NBAS: variants seen among roughly 807,000 people sequenced by gnomAD.
NBAS encodes NAG/BC035112 fusion.
In NBAS, 219 loss-of-function variants were observed where a neutral mutation model predicts 302.5. The observed-to-expected ratio is 0.72, with a 90% CI of 0.65 to 0.81. The LOEUF is 0.81. Among genes scored for constraint, NBAS ranks in the 30% least tolerant of loss-of-function variants. NBAS has a pLI of 0.00. For synonymous variants in NBAS, 1,118 were observed against 1,021.6 expected, an observed-to-expected ratio of 1.09 and a Z score of -1.80; for missense variants, 2,932 against 2,841.6, an observed-to-expected ratio of 1.03 and a Z score of -0.72.
chr2:15,299,204 A>G (rs1670687295), intron 40 of NBAS, among the ~76,000 whole-genome samples: 1 of 152,256 alleles, frequency 6.6e-6, no homozygotes, highest in South Asian at 2.1e-4. Flanking sequence ...AAAAACTAAC[A>G]GCATAAAAAG....
intron 21 of NBAS, among the ~76,000 whole-genome samples, chr2:15,431,940 A>G (rs1223188544): frequency 1.3e-5 from 2 of 152,172 alleles, no homozygotes; most frequent in African/African-American, 4.8e-5. Flanking sequence ...AAAACTGCCC[A>G]AATTTTAGCT....
the NBAS span, among the ~76,000 whole-genome samples, chr2:15,114,662 T>C: frequency 6.6e-6 from 1 of 152,126 alleles, no homozygotes; most frequent in Non-Finnish European, 1.5e-5. Flanking sequence ...GGCTCCTGGA[T>C]ACTCTGGGGG....
the NBAS span, among the ~76,000 whole-genome samples, chr2:15,122,180 G>C: frequency 1.3e-5 from 2 of 151,796 alleles, no homozygotes; most frequent in Non-Finnish European, 2.9e-5. Context: ...AATAACCCGA[G>C]GCTGGATAAT....
the NBAS span, among the ~76,000 whole-genome samples, chr2:15,024,668 G>A: frequency 3.3e-5 from 5 of 152,114 alleles, no homozygotes; most frequent in South Asian, 1.0e-3. Context: ...TTTTTTGACT[G>A]GTGTGAGATG....
the NBAS span, among the ~76,000 whole-genome samples, chr2:14,887,146 G>T: frequency 6.6e-6 from 1 of 152,214 alleles, no homozygotes; most frequent in Non-Finnish European, 1.5e-5. Flanking sequence ...GCTCACGCCT[G>T]TAATCCCAGC....
the NBAS span, among the ~76,000 whole-genome samples, chr2:14,878,015 C>T: frequency 2.0e-5 from 3 of 152,250 alleles, no homozygotes; most frequent in East Asian, 1.9e-4. Context: ...TACCTGCCAG[C>T]GCATTTCCCC....
At chr2:15,314,269 T>C (rs1217408537) in intron 38 of NBAS, among the ~76,000 whole-genome samples, 1 of 152,072 alleles carries the variant, frequency 6.6e-6, no homozygotes, top group African/African-American at 2.4e-5. Flanking sequence ...CGCATGAGAA[T>C]TGCTTGAACC....
At chr2:15,353,024 G>A (rs1016641146) in intron 34 of NBAS, among the ~76,000 whole-genome samples, 1 of 152,082 alleles carries the variant, frequency 6.6e-6, no homozygotes, top group Non-Finnish European at 1.5e-5. Context: ...GTAAGAGAAT[G>A]ACTATGGGAT....
At chr2:14,903,998 T>C in the NBAS span, among the ~76,000 whole-genome samples, 1 of 152,134 alleles carries the variant, frequency 6.6e-6, no homozygotes, top group South Asian at 2.1e-4. Context: ...GGCTACCCCA[T>C]TAGGTTGGGC....
At chr2:15,214,360 T>G (rs140790791) in intron 48 of NBAS, among the ~76,000 whole-genome samples, 1 of 152,306 alleles carries the variant, frequency 6.6e-6, no homozygotes, top group African/African-American at 2.4e-5. Flanking sequence ...TGTGGAGAAT[T>G]AAGACAGCAA....
chr2:14,964,188 G>T, the NBAS span, among the ~76,000 whole-genome samples: 2 of 152,126 alleles, frequency 1.3e-5, no homozygotes, highest in Non-Finnish European at 2.9e-5. Flanking sequence ...CTAATCACAA[G>T]ATAAGGTAAA....
At chr2:15,379,456 T>C in intron 30 of NBAS, 146 bp downstream of exon 30, 1 of 684,368 alleles carries the variant, frequency 1.5e-6, no homozygotes, top group Non-Finnish European at 2.3e-6. Context: ...TTTCTTTTTA[T>C]ATTCAAGCAA....
At chr2:15,374,580 A>C in intron 31 of NBAS, 28 bp downstream of exon 31, 1 of 1,560,866 alleles carries the variant, frequency 6.4e-7, no homozygotes, top group Non-Finnish European at 8.8e-7. Context: ...TAAGTTAGTA[A>C]CAATGCAACA....
At chr2:14,912,603 C>G in the NBAS span, among the ~76,000 whole-genome samples, 7 of 151,042 alleles carry the variant, frequency 4.6e-5, no homozygotes, top group Non-Finnish European at 8.8e-5. Flanking sequence ...GTTTAGATAT[C>G]TTCTCCTGTG....
At chr2:14,898,169 T>C in the NBAS span, among the ~76,000 whole-genome samples, 4 of 152,252 alleles carry the variant, frequency 2.6e-5, no homozygotes, top group African/African-American at 9.6e-5. Context: ...GGACTGCCTT[T>C]TTATTGATTT....
chr2:15,057,526 C>A, the NBAS span, among the ~76,000 whole-genome samples: 2 of 152,094 alleles, frequency 1.3e-5, no homozygotes, highest in African/African-American at 2.4e-5. Context: ...GTGCACCCAT[C>A]ACCTGAGCAG....
chr2:15,038,112 C>CTTTTTT, the NBAS span, among the ~76,000 whole-genome samples: 1 of 118,546 alleles, frequency 8.4e-6, no homozygotes, highest in Non-Finnish European at 1.7e-5. Flanking sequence ...TGACTTTATT[C>CTTTTTT]TTTTTTTTTT....
the NBAS span, among the ~76,000 whole-genome samples, chr2:14,990,480 G>A: frequency 6.6e-6 from 1 of 151,770 alleles, no homozygotes; most frequent in African/African-American, 2.4e-5. Flanking sequence ...AAAATTTCTG[G>A]CACAAAATGC....
chr2:15,467,503 A>C (rs190558957), intron 18 of NBAS, 96 bp from the exon 19 acceptor site: 2 of 1,308,068 alleles, frequency 1.5e-6, no homozygotes, highest in African/African-American at 2.9e-5. Flanking sequence ...TGAGCCCAAA[A>C]CTCATGAAAC....
Sources: allele counts gnomAD v4.1 joint callset (sites outside exome capture counted in the v4.1 genomes callset), GRCh38; gene constraint gnomAD v4.1.1; transcripts MANE v1.5; gene names NCBI Gene and HGNC (gene_info 2026-07-23, HGNC 2026-07-21).